The following PROS1 variants were observed in gnomAD, a reference collection of about 807,000 sequenced individuals.
PROS1 encodes the protein vitamin K-dependent protein S.
A neutral mutation model predicts 75.9 loss-of-function variants in PROS1; 29 were observed. That is an observed-to-expected ratio of 0.38 (90% confidence interval 0.28 to 0.52). The LOEUF (loss-of-function observed/expected upper bound fraction) is 0.52, where lower values mean the gene tolerates loss of function less well. Among genes scored for constraint, PROS1 ranks in the 20% least tolerant of loss-of-function variants. PROS1 has a pLI of 0.83. For synonymous variants in PROS1, 245 were observed against 280.6 expected, an observed-to-expected ratio of 0.87 and a Z score of 1.27; for missense variants, 680 against 810.3, an observed-to-expected ratio of 0.84 and a Z score of 1.95.
In PROS1 at chr3:93,955,635, T is replaced by A. The variant is rs547163008; in HGVS notation, c.76+18039A>T. On this transcript the variant is annotated intron_variant, in intron 1 of 14. Transcript: ENST00000394236. ...AGATATGCCTGATGTAAATGATGAG[T>A]TAATGGGTGCAGCACACCAACATGG... Among the ~76,000 whole-genome samples, 6 of 151,672 alleles carry A rather than the reference T, an allele frequency of 4.0e-5. No homozygotes were observed. The East Asian group carries it at 1.2e-3, about 29-fold the overall frequency.
At chr3:93,878,173 T>C (rs879750328) in intron 13 of PROS1, among the ~76,000 whole-genome samples, 1 of 152,150 alleles carries the variant, frequency 6.6e-6, no homozygotes, top group Non-Finnish European at 1.5e-5. Flanking sequence ...ACTGCATGAA[T>C]GTAGTGTTTA....
intron 1 of PROS1, among the ~76,000 whole-genome samples, chr3:93,942,733 A>T (rs1709307903): frequency 6.6e-6 from 1 of 152,176 alleles, no homozygotes; most frequent in South Asian, 2.1e-4. Flanking sequence ...GTTACAAGCC[A>T]CTAGCCCGCC....
At chr3:93,883,037 TC>T (rs1390960802) in intron 12 of PROS1, among the ~76,000 whole-genome samples, 1 of 152,104 alleles carries the variant, frequency 6.6e-6, no homozygotes, top group African/African-American at 2.4e-5. Context: ...ACTAGACATC[TC>T]CCCTACTGAT....
At chr3:93,944,555 A>G (rs1322394251) in intron 1 of PROS1, among the ~76,000 whole-genome samples, 1 of 152,192 alleles carries the variant, frequency 6.6e-6, no homozygotes, top group Non-Finnish European at 1.5e-5. Flanking sequence ...CTGAATGACT[A>G]CTGGGTACAT....
At chr3:93,946,579 G>A (rs912540932) in intron 1 of PROS1, among the ~76,000 whole-genome samples, 8 of 152,056 alleles carry the variant, frequency 5.3e-5, no homozygotes, top group African/African-American at 1.7e-4. Context: ...TTAAAAAATG[G>A]TGCTGGGAAA....
chr3:93,907,433 C>T (rs1708692769), intron 4 of PROS1, among the ~76,000 whole-genome samples: 1 of 152,140 alleles, frequency 6.6e-6, no homozygotes, highest in African/African-American at 2.4e-5. Flanking sequence ...CTCTAGGCCT[C>T]CTCTCTACTG....
At chr3:93,879,394 G>C in intron 12 of PROS1, 80 bp from the exon 13 acceptor site, 1 of 1,503,896 alleles carries the variant, frequency 6.6e-7, no homozygotes, top group Non-Finnish European at 9.3e-7. Flanking sequence ...ACACAGTCCA[G>C]GTAATATTCA....
intron 1 of PROS1, among the ~76,000 whole-genome samples, chr3:93,939,965 C>T (rs1709256590): frequency 6.6e-6 from 1 of 152,238 alleles, no homozygotes; most frequent in African/African-American, 2.4e-5. Context: ...AATTCCTTGC[C>T]TCCACTGTGA....
At position 93,876,999 on chromosome 3, in the gene PROS1, C is replaced by T; in HGVS notation, c.1837G>A (p.Ala613Thr). The T allele has an allele frequency of 6.2e-7, 1 of 1,612,810 alleles. No homozygotes were observed. The highest frequency in any genetic ancestry group is 8.5e-7 in the Non-Finnish European group (1 of 1,179,046). The change falls in exon 14 of 15, where the codon GCA becomes ACA. Residue 613 changes from alanine (A) to threonine (T), a missense_variant. Ala to Thr is a moderately conservative substitution (Grantham distance 58). Transcript: ENST00000394236. ...QLAVLDKAMK[A>T]KVATYLGGLP... ...CCACCCAGGTATGTGGCCACTTTTG[C>T]TTTCATTGCTTTGTCCAAGACGGCA...
At position 93,873,787 on chromosome 3, in the gene PROS1, A is replaced by G. The variant is rs1324090291; in HGVS notation, c.*458T>C. 1.1e-5 allele frequency: 2 copies of G among 180,538 alleles called. No individual in the cohort carries two copies. The highest frequency in any genetic ancestry group is 4.8e-5 in the African/African-American group (2 of 41,664). The allele number at this position is 180,538 out of a possible 1,614,324, so 11.2% of individuals were successfully genotyped here. ...ACCCTCCATTCAATTCATATTTAAT[A>G]GACCACCATCTCTTCTGCCTTCATC... is the stretch of plus-strand genomic sequence containing the variant. On this transcript the variant is annotated 3_prime_UTR_variant, in exon 15 of 15. Transcript: ENST00000394236.
At position 93,900,759 on chromosome 3, in the gene PROS1, C is replaced by A. The variant is rs779732213; in HGVS notation, c.727+45G>T. On this transcript the variant is annotated intron_variant, in intron 7 of 14. Coordinates refer to ENST00000394236, the MANE Select transcript of PROS1 (RefSeq NM_000313.4). ...CTTTTAAATATCAGTTCAGGGTTCA[C>A]ACCCACCCTCTCCACCATCAGTAAT... The A allele has an allele frequency of 1.2e-5, 20 of 1,610,414 alleles. No homozygotes were observed. In the South Asian group the frequency reaches 1.6e-4, roughly 13 times the overall value.
At chr3:93,876,588 C>CAAAAAA (rs34147087) in intron 14 of PROS1, among the ~76,000 whole-genome samples, 28 of 34,908 alleles carry the variant, frequency 8.0e-4, no homozygotes, top group Admixed American at 3.0e-3. Context: ...GACTCCATCT[C>CAAAAAA]AAAAAAAAAA....
chr3:93,900,957 A>G (rs1395269049), intron 6 of PROS1, 28 bp from the exon 7 acceptor site: 4 of 1,608,144 alleles, frequency 2.5e-6, no homozygotes, highest in East Asian at 4.5e-5. Flanking sequence ...ATATTAAAAA[A>G]CATTTTTCCC....
intron 12 of PROS1, among the ~76,000 whole-genome samples, chr3:93,880,526 T>C (rs1708261662): frequency 1.3e-5 from 2 of 152,130 alleles, no homozygotes. Flanking sequence ...AGAATGTTTA[T>C]ATGTAATCAT....
chr3:93,929,550 A>T (rs1709073920), intron 1 of PROS1, among the ~76,000 whole-genome samples: 1 of 152,222 alleles, frequency 6.6e-6, no homozygotes, highest in South Asian at 2.1e-4. Flanking sequence ...TGCAGTTGCT[A>T]AAAGGAAGAT....
intron 1 of PROS1, among the ~76,000 whole-genome samples, chr3:93,954,532 G>T (rs1306740026): frequency 6.6e-6 from 1 of 152,158 alleles, no homozygotes; most frequent in African/African-American, 2.4e-5. Flanking sequence ...TATGTAGAAA[G>T]CTGAAACTGG....
chr3:93,874,241 T>A lies in PROS1; in HGVS notation c.*4A>T. ...AAAGGTATTATAAGCAGAGAAAAGA[T>A]GCCTTAAGAATTCTTTGTCTTTTTC... On this transcript the variant is annotated 3_prime_UTR_variant, in exon 15 of 15. Coordinates refer to ENST00000394236, the MANE Select transcript of PROS1 (RefSeq NM_000313.4). The A allele has an allele frequency of 6.2e-7, 1 of 1,613,256 alleles. No individual in the cohort carries two copies. Among genetic ancestry groups the A allele is most frequent in the Non-Finnish European group, 8.5e-7 (1 of 1,179,368 alleles).
chr3:93,922,056 C>T (rs1396820178), intron 3 of PROS1, among the ~76,000 whole-genome samples: 1 of 152,190 alleles, frequency 6.6e-6, no homozygotes, highest in Non-Finnish European at 1.5e-5. Context: ...ACCACACATA[C>T]CAGCAGGTCA....
intron 4 of PROS1, among the ~76,000 whole-genome samples, chr3:93,908,444 A>T (rs189393103): frequency 6.6e-6 from 1 of 152,320 alleles, no homozygotes; most frequent in African/African-American, 2.4e-5. Flanking sequence ...GGGAGATCAA[A>T]TTAGAATTCT....
Sources: allele counts gnomAD v4.1 joint callset (sites outside exome capture counted in the v4.1 genomes callset), GRCh38; gene constraint gnomAD v4.1.1; transcripts MANE v1.5; gene names NCBI Gene and HGNC (gene_info 2026-07-23, HGNC 2026-07-21).